MAP3K4: variants seen among roughly 807,000 people sequenced by gnomAD.
MAP3K4 encodes MAP three kinase 1.
MAP3K4 carries 67 observed loss-of-function variants against 185.6 expected under a neutral mutation model. The ratio of observed to expected loss-of-function variants is 0.36; its 90% CI spans 0.30 to 0.44. The LOEUF (loss-of-function observed/expected upper bound fraction) is 0.44, where lower values mean the gene tolerates loss of function less well. Ranked by LOEUF, MAP3K4 falls within the 20% of genes least tolerant of loss-of-function variation. The pLI, the probability that MAP3K4 is intolerant of heterozygous loss-of-function variation, is 1.00. For synonymous variants in MAP3K4, 702 were observed against 710.4 expected (o/e 0.99, Z 0.19); for missense variants, 1,551 against 1,995.1 (o/e 0.78, Z 4.24).
chr6:161,093,189 T>C lies in MAP3K4; in HGVS notation c.3348+133T>C. On this transcript the variant is annotated intron_variant, in intron 14 of 26. Coordinates refer to ENST00000392142, the MANE Select transcript of MAP3K4 (RefSeq NM_005922.4). This position sits in a 1 kb window ranked among gnomAD's most constrained non-coding sequence, Gnocchi z 5.2. Reference sequence around the variant, plus strand: ...ATCTCAGCATATCATGTAATGATAATGCTGAGAAATTAAAGTACTCCTCAT... The same window carrying C: ...ATCTCAGCATATCATGTAATGATAACGCTGAGAAATTAAAGTACTCCTCAT... 1.6e-6 allele frequency: 1 copy of C among 615,804 alleles called. No individual in the cohort carries two copies. The allele number at this position is 615,804 out of a possible 1,614,324, so 38.1% of individuals were successfully genotyped here. A position where few individuals can be genotyped will look rare whatever the true frequency, so the allele number is the denominator to read the frequency against.
chr6:161,039,559 G>T (rs1227881950), intron 2 of MAP3K4, among the ~76,000 whole-genome samples: 1 of 152,166 alleles, frequency 6.6e-6, no homozygotes, highest in East Asian at 1.9e-4. Flanking sequence ...GCATATGTGT[G>T]ATTAGACAAT....
chr6:161,112,136 G>C lies in MAP3K4; in HGVS notation c.4519+178G>C, dbSNP rs879189049. Among the ~76,000 whole-genome samples, 1 of 152,150 alleles carries C rather than the reference G, an allele frequency of 6.6e-6. No homozygotes were observed. The highest frequency in any genetic ancestry group is 2.1e-4 in the South Asian group (1 of 4,800). On this transcript the variant is annotated intron_variant, in intron 24 of 26. Transcript: ENST00000392142. The surrounding 1 kb of genome is among the most constrained non-coding windows in gnomAD (Gnocchi z 5.1). ...CCCACGCAAGAGCAGCTGTCACATTGGTGAATTAAATGACTCCTTTTAGGT... is the reference window on the plus strand; with the variant it reads ...CCCACGCAAGAGCAGCTGTCACATTCGTGAATTAAATGACTCCTTTTAGGT...
chr6:161,003,429 G>T (rs765032974), intron 1 of MAP3K4, among the ~76,000 whole-genome samples: 1 of 152,154 alleles, frequency 6.6e-6, no homozygotes, highest in Admixed American at 6.5e-5. Flanking sequence ...TTTTCCACTT[G>T]ATCTTTAGTT....
intron 1 of MAP3K4, among the ~76,000 whole-genome samples, chr6:161,013,073 A>G (rs926960016): frequency 6.6e-6 from 1 of 152,172 alleles, no homozygotes; most frequent in Non-Finnish European, 1.5e-5. Flanking sequence ...AACACTTTTA[A>G]AGGTTTTAAT....
intron 1 of MAP3K4, among the ~76,000 whole-genome samples, chr6:160,998,254 AATTT>A (rs1233827088): frequency 6.6e-6 from 1 of 152,112 alleles, no homozygotes; most frequent in Non-Finnish European, 1.5e-5. Context: ...TTAAACTATT[AATTT>A]GAGTTAAACT....
intron 2 of MAP3K4, among the ~76,000 whole-genome samples, chr6:161,047,021 G>A (rs868114048): frequency 6.8e-6 from 1 of 146,042 alleles, no homozygotes; most frequent in South Asian, 2.1e-4. Context: ...GGTAAAAACA[G>A]CTTATAATTG....
intron 2 of MAP3K4, among the ~76,000 whole-genome samples, chr6:161,045,260 G>T (rs544388529): frequency 6.6e-6 from 1 of 152,074 alleles, no homozygotes; most frequent in Non-Finnish European, 1.5e-5. Flanking sequence ...GTCCCATCTT[G>T]CTCCTTTCCC....
At chr6:161,104,359 G>GGCTGAGATC (rs1777959296) in intron 19 of MAP3K4, among the ~76,000 whole-genome samples, 1 of 146,424 alleles carries the variant, frequency 6.8e-6, no homozygotes, top group Admixed American at 6.8e-5. Flanking sequence ...GGTTGCGGTG[G>GGCTGAGATC]GCTGAGATCG....
In MAP3K4 at chr6:161,109,199, T is replaced by C. The variant is rs1257469405; in HGVS notation, c.4236+340T>C. Among the ~76,000 whole-genome samples the C allele has an allele frequency of 6.6e-6, 1 of 152,220 alleles. No individual in the cohort carries two copies. Among genetic ancestry groups the C allele is most frequent in the African/African-American group, 2.4e-5 (1 of 41,468 alleles). ...TGTTGAGTACACTGTTAAGTAATAC[T>C]GGTTTTTTTCTTGTATGTATTTAGG... On this transcript the variant is annotated intron_variant, in intron 22 of 26. Coordinates refer to ENST00000392142, the MANE Select transcript of MAP3K4 (RefSeq NM_005922.4). This position sits in a 1 kb window ranked among gnomAD's most constrained non-coding sequence, Gnocchi z 5.7.
chr6:161,073,263 A>G lies in MAP3K4; in HGVS notation c.1951-203A>G. 1 of 411,546 alleles carries G rather than the reference A, an allele frequency of 2.4e-6. No homozygotes were observed. Among genetic ancestry groups the G allele is most frequent in the Non-Finnish European group, 4.2e-6 (1 of 235,318 alleles). The allele number at this position is 411,546 out of a possible 1,614,324, so 25.5% of individuals were successfully genotyped here. A position where few individuals can be genotyped will look rare whatever the true frequency, so the allele number is the denominator to read the frequency against. ...CCATGCTGTAGTATTAAATTCTTTT[A>G]TTTTCACTGTTTTGTTGCTTCTCAA... is the stretch of plus-strand genomic sequence containing the variant. On this transcript the variant is annotated intron_variant, in intron 4 of 26. Coordinates refer to ENST00000392142, the MANE Select transcript of MAP3K4 (RefSeq NM_005922.4). This position sits in a 1 kb window ranked among gnomAD's most constrained non-coding sequence, Gnocchi z 4.2.
At chr6:161,079,706 C>G (rs1262330533) in intron 5 of MAP3K4, among the ~76,000 whole-genome samples, 1 of 152,142 alleles carries the variant, frequency 6.6e-6, no homozygotes, top group Non-Finnish European at 1.5e-5. Flanking sequence ...TTCTGAGCCT[C>G]GTGTTGAGGA....
chr6:160,995,189 C>T (rs1171447672), intron 1 of MAP3K4, among the ~76,000 whole-genome samples: 1 of 152,016 alleles, frequency 6.6e-6, no homozygotes, highest in Non-Finnish European at 1.5e-5. Flanking sequence ...TTGCATTTCC[C>T]TGATAATTAG....
At chr6:161,089,910 T>C (rs1326088567) in intron 11 of MAP3K4, among the ~76,000 whole-genome samples, 2 of 152,246 alleles carry the variant, frequency 1.3e-5, no homozygotes, top group Non-Finnish European at 2.9e-5. Context: ...TAGAAAAAAG[T>C]TGCAGAGAAG....
chr6:161,034,720 A>AT lies in MAP3K4; in HGVS notation c.343+272dup, dbSNP rs1783084542. 6.6e-6 allele frequency among the ~76,000 whole-genome samples: 1 copy of AT among 152,170 alleles called. No individual in the cohort carries two copies. Among genetic ancestry groups the AT allele is most frequent in the Non-Finnish European group, 1.5e-5 (1 of 68,030 alleles). ...AGGGCAAATGTTTCCCAGTGTACTA[A>AT]TACAAGATGGCAACTGGTTACATGG... On this transcript the variant is annotated intron_variant, in intron 2 of 26. Transcript: ENST00000392142. This position sits in a 1 kb window ranked among gnomAD's most constrained non-coding sequence, Gnocchi z 4.4.
chr6:161,115,436 C>A lies in MAP3K4; in HGVS notation c.4806+134C>A. ...GAAAGGAACTAAATGTATTATTATGCCAGGGATTTTTGTATGTGTTTTTTC... is the reference window on the plus strand; with the variant it reads ...GAAAGGAACTAAATGTATTATTATGACAGGGATTTTTGTATGTGTTTTTTC... On this transcript the variant is annotated intron_variant, in intron 26 of 26. Coordinates refer to ENST00000392142, the MANE Select transcript of MAP3K4 (RefSeq NM_005922.4). The surrounding 1 kb of genome is among the most constrained non-coding windows in gnomAD (Gnocchi z 6.0). 1.2e-6 allele frequency: 1 copy of A among 845,968 alleles called. No homozygotes were observed. The highest frequency in any genetic ancestry group is 1.8e-6 in the Non-Finnish European group (1 of 568,012). The allele number at this position is 845,968 out of a possible 1,614,324, so 52.4% of individuals were successfully genotyped here.
At chr6:161,021,476 C>T (rs1477212479) in intron 1 of MAP3K4, among the ~76,000 whole-genome samples, 2 of 152,214 alleles carry the variant, frequency 1.3e-5, no homozygotes, top group Non-Finnish European at 2.9e-5. Context: ...CACTTTCTGC[C>T]TCCTTTTTCT....
chr6:161,021,399 G>T (rs1403226752), intron 1 of MAP3K4, among the ~76,000 whole-genome samples: 2 of 152,204 alleles, frequency 1.3e-5, no homozygotes, highest in Admixed American at 1.3e-4. Context: ...TTCACTCTCA[G>T]ATGAGCCCTG....
intron 1 of MAP3K4, among the ~76,000 whole-genome samples, chr6:161,002,814 A>G (rs963440508): frequency 6.6e-6 from 1 of 151,908 alleles, no homozygotes; most frequent in African/African-American, 2.4e-5. Flanking sequence ...GATGGTCTCG[A>G]TCTTCTGACC....
In MAP3K4 at chr6:161,074,454, C is replaced by A. The variant is rs1057289104; in HGVS notation, c.2097+842C>A. Among the ~76,000 whole-genome samples the A allele has an allele frequency of 3.9e-5, 6 of 152,180 alleles. No individual in the cohort carries two copies. The highest frequency in any genetic ancestry group is 1.4e-4 in the African/African-American group (6 of 41,440). ...TTTATTTTTCTCTAGAAAGCTTTAT[C>A]TGACAGTTTTAACTTTTAGTCTGTG... is the stretch of plus-strand genomic sequence containing the variant. On this transcript the variant is annotated intron_variant, in intron 5 of 26. Coordinates refer to ENST00000392142, the MANE Select transcript of MAP3K4 (RefSeq NM_005922.4). This position sits in a 1 kb window ranked among gnomAD's most constrained non-coding sequence, Gnocchi z 5.0.
Sources: allele counts gnomAD v4.1 joint callset (sites outside exome capture counted in the v4.1 genomes callset), GRCh38; gene constraint gnomAD v4.1.1; non-coding constraint Gnocchi (gnomAD v3.1); transcripts MANE v1.5; gene names NCBI Gene and HGNC (gene_info 2026-07-23, HGNC 2026-07-21).